Variants in ESRRG observed in about 807,000 individuals in gnomAD.
The protein encoded by ESRRG is estrogen related receptor gamma.
ESRRG carries 13 observed loss-of-function variants against 44.0 expected under a neutral mutation model. The ratio of observed to expected loss-of-function variants is 0.30; its 90% CI spans 0.19 to 0.47. The LOEUF is 0.47. ESRRG is among the 20% of genes least tolerant of loss of function. ESRRG has a pLI of 1.00. For missense variants in ESRRG, 395 were observed against 580.6 expected, an observed-to-expected ratio of 0.68 and a Z score of 3.29; for synonymous variants, 215 against 214.6, an observed-to-expected ratio of 1.00 and a Z score of -0.02.
chr1:216,590,263 C>A (rs899648475), intron 3 of ESRRG, among the ~76,000 whole-genome samples: 1 of 151,912 alleles, frequency 6.6e-6, no homozygotes, highest in African/African-American at 2.4e-5. Flanking sequence ...TCTAGAAAAA[C>A]CACAAAGCTA....
At chr1:216,661,283 G>C (rs932174730) in intron 2 of ESRRG, among the ~76,000 whole-genome samples, 3 of 152,140 alleles carry the variant, frequency 2.0e-5, no homozygotes, top group African/African-American at 7.2e-5. Flanking sequence ...ACTGCCACAA[G>C]AAATATATAA....
At chr1:216,590,355 C>T (rs978979479) in intron 3 of ESRRG, among the ~76,000 whole-genome samples, 27 of 152,142 alleles carry the variant, frequency 1.8e-4, no homozygotes, top group African/African-American at 6.3e-4. Flanking sequence ...AGAAAAAAAA[C>T]TCATGAGATA....
intron 1 of ESRRG, among the ~76,000 whole-genome samples, chr1:216,967,176 C>CT (rs2070605881): frequency 6.6e-6 from 1 of 152,036 alleles, no homozygotes; most frequent in Non-Finnish European, 1.5e-5. Flanking sequence ...ATCGCCCCCC[C>CT]TCCCCATTGA....
At chr1:216,723,620 A>T (rs952032333), upstream of ESRRG, 3 of 348,926 alleles carry the variant, frequency 8.6e-6, no homozygotes, top group Non-Finnish European at 1.6e-5. Flanking sequence ...CAGAGAGCCG[A>T]AGGGGGCTGG....
At chr1:216,955,388 C>T (rs2067762060) in intron 1 of ESRRG, among the ~76,000 whole-genome samples, 1 of 152,140 alleles carries the variant, frequency 6.6e-6, no homozygotes, top group South Asian at 2.1e-4. Context: ...TTTTTTATGG[C>T]TGGATGGTAT....
chr1:216,985,454 T>G (rs895442891), intron 1 of ESRRG, among the ~76,000 whole-genome samples: 1 of 152,184 alleles, frequency 6.6e-6, no homozygotes, highest in South Asian at 2.1e-4. Flanking sequence ...GTTGCTTCCT[T>G]CATAACTAAA....
chr1:217,052,952 A>G (rs2086318793), intron 1 of ESRRG, among the ~76,000 whole-genome samples: 1 of 152,096 alleles, frequency 6.6e-6, no homozygotes, highest in Non-Finnish European at 1.5e-5. Flanking sequence ...GGACATGGAG[A>G]TCCAGAGGTA....
rs571809127 is a variant in ESRRG, at chr1:216,518,800, A to G, written c.1132+352T>C. Among the ~76,000 whole-genome samples the G allele has an allele frequency of 5.2e-4, 79 of 152,298 alleles. No homozygotes were observed. The Middle Eastern group carries it at 0.014, about 26-fold the overall frequency. ...AGGGAAAAATGGTTTGTGTGTATCA[A>G]CAATTCCCTTGTTTTAACTTACGCA... On this transcript the variant is annotated intron_variant, in intron 6 of 6. Coordinates refer to ENST00000408911, the MANE Select transcript of ESRRG (RefSeq NM_001438.4).
intron 2 of ESRRG, among the ~76,000 whole-genome samples, chr1:216,757,726 T>G (rs1356396498): frequency 6.6e-6 from 1 of 152,056 alleles, no homozygotes; most frequent in Admixed American, 6.6e-5. Flanking sequence ...TCTAGAGAGA[T>G]ATAGTCCTGT....
chr1:217,080,512 G>A (rs1474850784), intron 1 of ESRRG, among the ~76,000 whole-genome samples: 2 of 152,022 alleles, frequency 1.3e-5, no homozygotes, highest in Admixed American at 6.5e-5. Flanking sequence ...TGTTTAGCAC[G>A]TATCCCGTAC....
upstream of ESRRG, among the ~76,000 whole-genome samples, chr1:216,726,676 A>G (rs2087587708): frequency 6.6e-6 from 1 of 152,202 alleles, no homozygotes; most frequent in Non-Finnish European, 1.5e-5. Context: ...TGATTGCTTC[A>G]CAAAGAATAT....
intron 1 of ESRRG, among the ~76,000 whole-genome samples, chr1:217,087,187 C>A (rs1349185362): frequency 1.3e-5 from 2 of 152,188 alleles, no homozygotes; most frequent in Non-Finnish European, 2.9e-5. Flanking sequence ...CTAGCTGCAA[C>A]TGAAATGTCC....
chr1:216,621,456 T>C (rs765592374), intron 3 of ESRRG, among the ~76,000 whole-genome samples: 2 of 152,130 alleles, frequency 1.3e-5, no homozygotes, highest in Non-Finnish European at 2.9e-5. Flanking sequence ...AAAAAGGAGA[T>C]GGAGAAAGAT....
At chr1:216,949,287 C>T (rs1028776850) in intron 1 of ESRRG, among the ~76,000 whole-genome samples, 12 of 152,286 alleles carry the variant, frequency 7.9e-5, no homozygotes, top group African/African-American at 2.9e-4. Flanking sequence ...CATGCAAAGG[C>T]ACAGGTTTAT....
intron 3 of ESRRG, among the ~76,000 whole-genome samples, chr1:216,574,479 A>G (rs2061353688): frequency 6.6e-6 from 1 of 152,152 alleles, no homozygotes; most frequent in South Asian, 2.1e-4. Context: ...TCTGTAGTCC[A>G]AAGTCAAAAG....
chr1:217,049,954 C>T (rs185645910), intron 1 of ESRRG, among the ~76,000 whole-genome samples: 2 of 152,292 alleles, frequency 1.3e-5, no homozygotes, highest in East Asian at 3.9e-4. Flanking sequence ...CATCATTCTG[C>T]ATAAGCAAAA....
At chr1:216,898,095 C>G (rs1468132389) in intron 2 of ESRRG, among the ~76,000 whole-genome samples, 1 of 152,080 alleles carries the variant, frequency 6.6e-6, no homozygotes, top group Non-Finnish European at 1.5e-5. Context: ...CAGACCGGAC[C>G]GTTGAGAAGT....
At chr1:216,905,662 G>A (rs1345225719) in intron 2 of ESRRG, among the ~76,000 whole-genome samples, 1 of 152,136 alleles carries the variant, frequency 6.6e-6, no homozygotes, top group Non-Finnish European at 1.5e-5. Context: ...AGCAGGGTTT[G>A]GAGATTAGTA....
intron 2 of ESRRG, among the ~76,000 whole-genome samples, chr1:216,915,085 T>C (rs1032074210): frequency 2.6e-5 from 4 of 152,166 alleles, no homozygotes; most frequent in African/African-American, 9.7e-5. Context: ...TCTCCATCAG[T>C]AAACATGGGA....
Sources: gnomAD v4.1 joint callset for allele counts (sites outside exome capture counted in the v4.1 genomes callset) on GRCh38, gnomAD v4.1.1 for gene constraint, MANE v1.5 for transcripts, NCBI Gene and HGNC (gene_info 2026-07-23, HGNC 2026-07-21) for gene names.